TGM4: variants seen among roughly 807,000 people sequenced by gnomAD.
The protein encoded by TGM4 is protein-glutamine gamma-glutamyltransferase 4.
Under a neutral mutation model 76.3 loss-of-function variants are expected in TGM4, and 61 were observed. The ratio of observed to expected loss-of-function variants is 0.80; its 90% CI spans 0.65 to 0.99. The LOEUF is 0.99. Ranked by LOEUF, TGM4 falls within the 50% of genes least tolerant of loss-of-function variation. The pLI, the probability that TGM4 is intolerant of heterozygous loss-of-function variation, is 0.00. For synonymous variants in TGM4, 337 were observed against 329.8 expected (o/e 1.02, Z -0.24); for missense variants, 794 against 843.2 (o/e 0.94, Z 0.72).
At chr3:44,876,103 G>A (rs1365336089) in intron 1 of TGM4, among the ~76,000 whole-genome samples, 1 of 152,204 alleles carries the variant, frequency 6.6e-6, no homozygotes, top group Non-Finnish European at 1.5e-5. Context: ...TGTTCACTGG[G>A]GAGGTTTGAT....
intron 2 of TGM4, among the ~76,000 whole-genome samples, chr3:44,887,349 T>C (rs1053589905): frequency 6.6e-6 from 1 of 152,172 alleles, no homozygotes; most frequent in Non-Finnish European, 1.5e-5. Context: ...TGAACAAGCA[T>C]GTTGGTCTGT....
rs57611128 is a variant in TGM4, at chr3:44,879,265, C to CTATATA, written c.19+4585_19+4590dup. ...TCTCTCTCTCTCTCTCTCTCTCTCT[C>CTATATA]TATATATATATATATATATATAGTT... On this transcript the variant is annotated intron_variant, in intron 1 of 13. Transcript: ENST00000296125. 8.3e-3 allele frequency among the ~76,000 whole-genome samples: 762 copies of CTATATA among 92,188 alleles called. 3 individuals are homozygous for CTATATA. The highest frequency in any genetic ancestry group is 0.012 in the Middle Eastern group (2 of 166). 60.5% of individuals were successfully genotyped at this position (92,188 alleles called of 152,430 possible). A position where few individuals can be genotyped will look rare whatever the true frequency, so the allele number is the denominator to read the frequency against.
intron 1 of TGM4, among the ~76,000 whole-genome samples, chr3:44,878,250 AAGAG>A (rs555383480): frequency 1.9e-3 from 280 of 149,734 alleles, no homozygotes; most frequent in South Asian, 3.2e-3. Flanking sequence ...GAGGGAGAAA[AAGAG>A]AGAGAGAGAG....
intron 6 of TGM4, 54 bp downstream of exon 6, chr3:44,896,870 C>CT: frequency 6.6e-6 from 10 of 1,506,834 alleles, no homozygotes; most frequent in Non-Finnish European, 8.3e-6. Flanking sequence ...ATTGCTCAGC[C>CT]TTTTTCTGTT....
At chr3:44,886,458 C>T (rs544751116) in intron 2 of TGM4, among the ~76,000 whole-genome samples, 68 of 152,334 alleles carry the variant, frequency 4.5e-4, no homozygotes, top group Non-Finnish European at 4.9e-4. Flanking sequence ...TCTCCTCCAA[C>T]GTGCTGGTGG....
chr3:44,874,797 C>G, intron 1 of TGM4, 100 bp downstream of exon 1: 1 of 1,431,400 alleles, frequency 7.0e-7, no homozygotes, highest in Middle Eastern at 2.1e-4. Flanking sequence ...CCATTGCCCT[C>G]TCACCCTGAC....
chr3:44,909,172 G>A (rs1699966998), intron 10 of TGM4, among the ~76,000 whole-genome samples: 2 of 152,232 alleles, frequency 1.3e-5, no homozygotes, highest in South Asian at 4.1e-4. Flanking sequence ...CTGTGTACAA[G>A]TTAGGGTACA....
chr3:44,912,909 G>A (rs1700023368), intron 13 of TGM4, among the ~76,000 whole-genome samples: 1 of 152,068 alleles, frequency 6.6e-6, no homozygotes, highest in South Asian at 2.1e-4. Context: ...ATTGATTTTT[G>A]GCATGCTGAT....
intron 1 of TGM4, among the ~76,000 whole-genome samples, chr3:44,881,579 C>G (rs1469416876): frequency 1.3e-5 from 2 of 152,174 alleles, no homozygotes; most frequent in Non-Finnish European, 2.9e-5. Flanking sequence ...ATAAAGTCAC[C>G]AAGATCCTCT....
At chr3:44,884,969 TG>T (rs1308796583) in intron 1 of TGM4, among the ~76,000 whole-genome samples, 28 of 151,952 alleles carry the variant, frequency 1.8e-4, no homozygotes, top group Non-Finnish European at 4.1e-4. Flanking sequence ...GGAGTTGGGG[TG>T]GGAAACTTGC....
In TGM4 at chr3:44,913,816, CT is replaced by C; in HGVS notation, c.*93del. ...GATTATGGATGATTAAATTTGATGA[CT>C]TATATGAGGGCAGATTCAAGAGCCA... On this transcript the variant is annotated 3_prime_UTR_variant, in exon 14 of 14. Transcript: ENST00000296125. 1 of 1,514,964 alleles carries C rather than the reference CT, an allele frequency of 6.6e-7. No homozygotes were observed. The highest frequency in any genetic ancestry group is 8.8e-7 in the Non-Finnish European group (1 of 1,130,614). The allele number at this position is 1,514,964 out of a possible 1,614,324, so 93.8% of individuals were successfully genotyped here.
intron 1 of TGM4, among the ~76,000 whole-genome samples, chr3:44,875,328 T>C (rs918517578): frequency 2.0e-5 from 3 of 152,242 alleles, no homozygotes; most frequent in Admixed American, 6.5e-5. Flanking sequence ...TTTTGTGACT[T>C]CAACACTTTT....
At chr3:44,896,362 C>T (rs977539263) in intron 5 of TGM4, among the ~76,000 whole-genome samples, 6 of 152,188 alleles carry the variant, frequency 3.9e-5, no homozygotes, top group Non-Finnish European at 8.8e-5. Flanking sequence ...CCACCTGCCT[C>T]GGCCTCCCAA....
intron 5 of TGM4, among the ~76,000 whole-genome samples, chr3:44,894,824 G>T (rs1174882930): frequency 1.3e-5 from 2 of 151,980 alleles, no homozygotes; most frequent in African/African-American, 2.4e-5. Flanking sequence ...AAGGTGCGCC[G>T]AGTGCCCTCT....
At chr3:44,889,909 T>C (rs1255285108) in intron 3 of TGM4, among the ~76,000 whole-genome samples, 4 of 152,184 alleles carry the variant, frequency 2.6e-5, no homozygotes, top group African/African-American at 9.7e-5. Context: ...AAAGAATACC[T>C]GAGACTGGGT....
At chr3:44,905,834 C>CT (rs1229854293) in intron 9 of TGM4, among the ~76,000 whole-genome samples, 1 of 102,110 alleles carries the variant, frequency 9.8e-6, no homozygotes, top group Non-Finnish European at 1.9e-5. Flanking sequence ...ATGCCCACAC[C>CT]CCCGCATACT....
At position 44,914,959 on chromosome 3, in the gene TGM4, G is replaced by A. The variant is rs1700068644; in HGVS notation, c.*1234G>A. Reference sequence around the variant, plus strand: ...AAGTTGCCCACATCCCTGGCATACAGTAGGTGTTCAATAAATGTTTATTGA... The same window carrying A: ...AAGTTGCCCACATCCCTGGCATACAATAGGTGTTCAATAAATGTTTATTGA... On this transcript the variant is annotated 3_prime_UTR_variant, in exon 14 of 14. Transcript: ENST00000296125. 2 of 152,140 alleles carry A rather than the reference G, an allele frequency of 1.3e-5. No individual in the cohort carries two copies. Among genetic ancestry groups the A allele is most frequent in the Admixed American group, 1.3e-4 (2 of 15,238 alleles). 9.4% of individuals were successfully genotyped at this position (152,140 alleles called of 1,614,324 possible).
chr3:44,885,400 G>A lies in TGM4; in HGVS notation c.95G>A (p.Ser32Asn), dbSNP rs1418396229. 6.2e-7 allele frequency: 1 copy of A among 1,613,998 alleles called. No homozygotes were observed. The highest frequency in any genetic ancestry group is 8.5e-7 in the Non-Finnish European group (1 of 1,180,004). Residue 32 changes from serine (S) to asparagine (N), a missense_variant, in exon 2 of 14, where the codon AGC (serine) becomes AAC (asparagine). Ser to Asn is a conservative substitution (Grantham distance 46). Transcript: ENST00000296125. ...VSHHTWEFQT[S>N]SPVFRRGQVF... ...CACCACACATGGGAGTTCCAAACGA[G>A]CAGTCCTGTGTTCCGGCGAGGACAG...
chr3:44,908,374 G>GTT (rs56777730), intron 10 of TGM4, among the ~76,000 whole-genome samples: 2,182 of 149,950 alleles, frequency 0.015, 57 homozygotes, highest in African/African-American at 0.051. Flanking sequence ...GGTCAGGAGT[G>GTT]TTTTTTTTTG....
Sources: allele counts gnomAD v4.1 joint callset (sites outside exome capture counted in the v4.1 genomes callset), GRCh38; gene constraint gnomAD v4.1.1; transcripts MANE v1.5; gene names NCBI Gene and HGNC (gene_info 2026-07-23, HGNC 2026-07-21).